Variants in EPHA3 observed in about 807,000 individuals in gnomAD.
EPHA3 encodes the protein EPH receptor A3.
Under a neutral mutation model 107.1 loss-of-function variants are expected in EPHA3, and 42 were observed. That is an observed-to-expected ratio of 0.39 (90% CI 0.31 to 0.51). EPHA3 has a LOEUF of 0.51. Ranked by LOEUF, EPHA3 falls within the 20% of genes least tolerant of loss-of-function variation. The pLI is 0.78. For synonymous variants in EPHA3, 461 were observed against 424.8 expected (o/e 1.09, Z -1.05); for missense variants, 1,183 against 1,211.2 (o/e 0.98, Z 0.35).
intron 5 of EPHA3, among the ~76,000 whole-genome samples, chr3:89,385,340 C>T (rs1363493773): frequency 6.6e-6 from 1 of 152,178 alleles, no homozygotes; most frequent in South Asian, 2.1e-4. Flanking sequence ...ACAATCCCCA[C>T]ATGTTATGGG....
intron 1 of EPHA3, among the ~76,000 whole-genome samples, chr3:89,119,033 A>T (rs1450338406): frequency 2.0e-5 from 3 of 152,044 alleles, no homozygotes; most frequent in African/African-American, 7.2e-5. Flanking sequence ...GCTTTGCTTA[A>T]GTTCATGTGG....
At chr3:89,176,483 C>A (rs1302526932) in intron 2 of EPHA3, among the ~76,000 whole-genome samples, 1 of 123,890 alleles carries the variant, frequency 8.1e-6, no homozygotes, top group African/African-American at 3.2e-5. Flanking sequence ...GGTGACAGAG[C>A]AAGATTCCAT....
chr3:89,187,657 A>G (rs1375661213), intron 2 of EPHA3, among the ~76,000 whole-genome samples: 1 of 152,092 alleles, frequency 6.6e-6, no homozygotes, highest in East Asian at 1.9e-4. Context: ...CTTAAATTTA[A>G]CTGGTAAATA....
rs931118273 is a variant in EPHA3 at position 89,481,152 on chromosome 3, T to C, written c.*1650T>C. 2.2e-5 allele frequency: 5 copies of C among 232,176 alleles called. No individual in the cohort carries two copies. Among genetic ancestry groups the C allele is most frequent in the African/African-American group, 1.1e-4 (5 of 45,310 alleles). The allele number at this position is 232,176 out of a possible 1,614,324, so 14.4% of individuals were successfully genotyped here. On this transcript the variant is annotated 3_prime_UTR_variant, in exon 17 of 17. Coordinates refer to ENST00000336596, the MANE Select transcript of EPHA3 (RefSeq NM_005233.6). The stretch of plus-strand genomic sequence containing the variant: ...GGATAAAATAATGCTGCAAACTTAA[T>C]GTTCTTATGCAAAATGGAACGCTAA...
chr3:89,212,592 G>C (rs111329165), intron 3 of EPHA3, among the ~76,000 whole-genome samples: 1,889 of 21,330 alleles, frequency 0.089, 25 homozygotes, highest in African/African-American at 0.23. Flanking sequence ...GAAACATCAT[G>C]ATTTTTTTTT....
intron 15 of EPHA3, among the ~76,000 whole-genome samples, chr3:89,466,587 C>T (rs1190839363): frequency 1.5e-5 from 2 of 129,594 alleles, no homozygotes; most frequent in Admixed American, 7.6e-5. Flanking sequence ...GGGAGTGACC[C>T]GATTTTCCAG....
intron 13 of EPHA3, among the ~76,000 whole-genome samples, chr3:89,436,089 T>C (rs1709665170): frequency 6.6e-6 from 1 of 151,774 alleles, no homozygotes; most frequent in Non-Finnish European, 1.5e-5. Context: ...TGCAGTGAGC[T>C]AAAGCCTGGG....
chr3:89,409,716 G>C (rs1217062987), intron 9 of EPHA3, among the ~76,000 whole-genome samples: 1 of 151,968 alleles, frequency 6.6e-6, no homozygotes, highest in Non-Finnish European at 1.5e-5. Context: ...GTTTATTTCA[G>C]ACCTTTTATT....
chr3:89,315,501 G>A (rs1334336909), intron 3 of EPHA3, among the ~76,000 whole-genome samples: 2 of 151,446 alleles, frequency 1.3e-5, no homozygotes, highest in Admixed American at 1.3e-4. Context: ...CATTGATTTG[G>A]CTTAAAAATC....
In EPHA3 at chr3:89,353,595, G is replaced by A. The variant is rs553253878; in HGVS notation, c.1306+11505G>A. Among the ~76,000 whole-genome samples the A allele has an allele frequency of 3.5e-4, 53 of 151,390 alleles. 1 individual carries two copies. The highest frequency in any genetic ancestry group is 7.0e-4 in the Non-Finnish European group (47 of 67,570). On this transcript the variant is annotated intron_variant, in intron 5 of 16. Coordinates refer to ENST00000336596, the MANE Select transcript of EPHA3 (RefSeq NM_005233.6). ...TGTTTTGAAATCAAGGCAGATACCT[G>A]TGCATCTGGGAATGTCACTGTGCAG...
chr3:89,377,894 A>C (rs1708431701), intron 5 of EPHA3, among the ~76,000 whole-genome samples: 1 of 152,218 alleles, frequency 6.6e-6, no homozygotes, highest in African/African-American at 2.4e-5. Flanking sequence ...ACATAGAAAA[A>C]TGTTCAAAAT....
At chr3:89,391,241 T>G (rs1708723574) in intron 5 of EPHA3, among the ~76,000 whole-genome samples, 1 of 152,098 alleles carries the variant, frequency 6.6e-6, no homozygotes, top group Admixed American at 6.5e-5. Flanking sequence ...GTTAAGAGTT[T>G]CTTTAGTACT....
intron 3 of EPHA3, among the ~76,000 whole-genome samples, chr3:89,322,390 G>C: frequency 1.3e-5 from 2 of 152,164 alleles, no homozygotes; most frequent in East Asian, 3.9e-4. Context: ...AGGAGACATT[G>C]GTCAGTGTCA....
intron 1 of EPHA3, among the ~76,000 whole-genome samples, chr3:89,125,042 A>C (rs1318313013): frequency 6.6e-6 from 1 of 151,852 alleles, no homozygotes; most frequent in Non-Finnish European, 1.5e-5. Context: ...CCTACATTCC[A>C]ATAAGTAATT....
chr3:89,242,707 G>T (rs1325070395), intron 3 of EPHA3, among the ~76,000 whole-genome samples: 7 of 152,054 alleles, frequency 4.6e-5, no homozygotes, highest in Non-Finnish European at 1.5e-5. Context: ...AAAGTGCTGG[G>T]ATTACAGGCT....
intron 3 of EPHA3, among the ~76,000 whole-genome samples, chr3:89,267,685 T>A (rs1210056264): frequency 6.6e-6 from 1 of 152,186 alleles, no homozygotes; most frequent in Non-Finnish European, 1.5e-5. Context: ...TGTCCTGGTA[T>A]GTTCAAATAA....
intron 2 of EPHA3, among the ~76,000 whole-genome samples, chr3:89,147,695 T>A (rs1327262125): frequency 6.6e-6 from 1 of 151,934 alleles, no homozygotes; most frequent in Non-Finnish European, 1.5e-5. Context: ...TGTATTTACA[T>A]TTAACCTGAC....
chr3:89,429,202 T>C (rs1452220025), intron 12 of EPHA3, 35 bp downstream of exon 12: 1 of 1,529,310 alleles, frequency 6.5e-7, no homozygotes, highest in Non-Finnish European at 9.0e-7. Context: ...TATATATGAA[T>C]AAATTGCTGA....
chr3:89,460,977 T>A (rs1576391410), intron 15 of EPHA3, among the ~76,000 whole-genome samples: 1 of 108,280 alleles, frequency 9.2e-6, no homozygotes, highest in African/African-American at 3.7e-5. Flanking sequence ...CCCTCCCCCC[T>A]CCCCCGACCC....
Sources: allele counts gnomAD v4.1 joint callset (sites outside exome capture counted in the v4.1 genomes callset), GRCh38; gene constraint gnomAD v4.1.1; transcripts MANE v1.5; gene names NCBI Gene and HGNC (gene_info 2026-07-23, HGNC 2026-07-21).